Variants in SYNRG observed in about 807,000 individuals in gnomAD.
The protein encoded by SYNRG is AP1 gamma subunit binding protein 1.
A neutral mutation model predicts 130.9 loss-of-function variants in SYNRG; 37 were observed. The observed-to-expected ratio is 0.28, with a 90% CI of 0.22 to 0.37. The LOEUF (loss-of-function observed/expected upper bound fraction) is 0.37. Ranked by LOEUF, SYNRG falls within the 10% of genes least tolerant of loss-of-function variation. SYNRG has a pLI of 1.00. For synonymous variants in SYNRG, 539 were observed against 568.1 expected (o/e 0.95, Z 0.73); for missense variants, 1,338 against 1,588.9 (o/e 0.84, Z 2.68).
intron 8 of SYNRG, among the ~76,000 whole-genome samples, chr17:37,574,651 A>G (rs1039407821): frequency 2.6e-5 from 4 of 152,194 alleles, no homozygotes; most frequent in African/African-American, 7.2e-5. Flanking sequence ...TTATGAAAAG[A>G]GGCTCAACAT....
chr17:37,518,921 T>G lies in SYNRG; in HGVS notation c.*19A>C. 6.2e-6 allele frequency: 10 copies of G among 1,601,376 alleles called. No individual in the cohort carries two copies. In the South Asian group the frequency reaches 6.8e-5, roughly 11 times the overall value. On this transcript the variant is annotated 3_prime_UTR_variant, in exon 22 of 22. Coordinates refer to ENST00000612223, the MANE Select transcript of SYNRG (RefSeq NM_007247.6). ...GGTGTCACAGAAAAAAAAAAGTCAA[T>G]GCTTCACAGAGGAGTTGTTCAGAGC...
intron 8 of SYNRG, 74 bp downstream of exon 8, chr17:37,576,267 A>G: frequency 5.4e-6 from 8 of 1,469,832 alleles, no homozygotes; most frequent in Admixed American, 1.8e-5. Flanking sequence ...GCAACAGTAA[A>G]TATTTACAAC....
At chr17:37,563,808 TTAC>T (rs1162649647) in intron 11 of SYNRG, among the ~76,000 whole-genome samples, 1 of 151,764 alleles carries the variant, frequency 6.6e-6, no homozygotes, top group Non-Finnish European at 1.5e-5. Context: ...AGTGCTAGGT[TTAC>T]AGGCAAGACC....
At chr17:37,566,205 G>A (rs2059978721) in intron 11 of SYNRG, among the ~76,000 whole-genome samples, 1 of 152,128 alleles carries the variant, frequency 6.6e-6, no homozygotes, top group Non-Finnish European at 1.5e-5. Flanking sequence ...CGGGAAAGGT[G>A]GGGAAAAGAT....
At position 37,553,872 on chromosome 17, in the gene SYNRG, TAGGTCTGCTAAGTTC is replaced by T. The variant is rs768013794; in HGVS notation, c.1836_1850del (p.Asn613_Leu617del). ...TGCAATTAACTGAGGAAAACATATC[TAGGTCTGCTAAGTTC>T]AGAGGGTTTTTCACTTGTGTTTGTT... On this transcript the variant is annotated inframe_deletion, in exon 14 of 22. Transcript: ENST00000612223. The T allele has an allele frequency of 1.4e-5, 22 of 1,611,394 alleles. No individual in the cohort carries two copies. Among genetic ancestry groups the T allele is most frequent in the African/African-American group, 4.0e-5 (3 of 74,706 alleles).
chr17:37,541,211 C>T (rs1366563752), intron 15 of SYNRG: 2 of 985,274 alleles, frequency 2.0e-6, no homozygotes, highest in African/African-American at 3.5e-5. Context: ...GATTTGTAAC[C>T]GAGTTCCTTC....
At position 37,596,306 on chromosome 17, in the gene SYNRG, C is replaced by T. The variant is rs773644751; in HGVS notation, c.157G>A (p.Val53Ile). Residue 53 changes from valine to isoleucine, a missense_variant, in exon 3 of 22, where the codon GTC becomes ATC. By Grantham distance (29) the Val-to-Ile change is conservative. Around this residue, in one of 3 missense-constraint regions of SYNRG, gnomAD observed 184 missense variants for 217.2 expected, o/e 0.85. Coordinates refer to ENST00000612223, the MANE Select transcript of SYNRG (RefSeq NM_007247.6). Reference protein sequence around the residue: ...MPMQQQGFPMVSVMQPNMQGI... With the variant: ...MPMQQQGFPMISVMQPNMQGI... ...TGCATATTAGGCTGCATGACAGAGA[C>T]CATAGGAAATCCTTGTTGCTGCATC... The T allele has an allele frequency of 6.2e-7, 1 of 1,614,090 alleles. No individual in the cohort carries two copies. The highest frequency in any genetic ancestry group is 1.1e-5 in the South Asian group (1 of 91,084).
At chr17:37,590,086 A>G (rs932481372) in intron 3 of SYNRG, among the ~76,000 whole-genome samples, 2 of 151,104 alleles carry the variant, frequency 1.3e-5, no homozygotes, top group Admixed American at 1.3e-4. Flanking sequence ...CAGGTGAATT[A>G]CTTGAGCCCG....
intron 2 of SYNRG, among the ~76,000 whole-genome samples, chr17:37,599,237 G>A (rs1208879511): frequency 6.6e-6 from 1 of 152,222 alleles, no homozygotes; most frequent in Non-Finnish European, 1.5e-5. Flanking sequence ...TGAAAGAAAT[G>A]AGCGGAAAGA....
chr17:37,574,237 C>T lies in SYNRG; in HGVS notation c.901+2104G>A, dbSNP rs144681117. ...GAATAAAACTAGACCCCATCCCACACCAAATAAAAAAATCAAATGGAAATG... is the reference window on the plus strand; with the variant it reads ...GAATAAAACTAGACCCCATCCCACATCAAATAAAAAAATCAAATGGAAATG... On this transcript the variant is annotated intron_variant, in intron 8 of 21. Coordinates refer to ENST00000612223, the MANE Select transcript of SYNRG (RefSeq NM_007247.6). Among the ~76,000 whole-genome samples the T allele has an allele frequency of 5.2e-3, 785 of 152,024 alleles. 2 individuals are homozygous for T. The highest frequency in any genetic ancestry group is 8.2e-3 in the Non-Finnish European group (557 of 67,980).
At chr17:37,528,602 C>T (rs901785445) in intron 19 of SYNRG, among the ~76,000 whole-genome samples, 11 of 152,140 alleles carry the variant, frequency 7.2e-5, no homozygotes, top group Admixed American at 4.6e-4. Context: ...CTCAATCATG[C>T]CTCTTTCTAA....
At chr17:37,586,081 C>T (rs1219302550) in intron 4 of SYNRG, among the ~76,000 whole-genome samples, 1 of 152,174 alleles carries the variant, frequency 6.6e-6, no homozygotes, top group Non-Finnish European at 1.5e-5. Context: ...GCAGCCTCAA[C>T]CTCGGGGCCC....
intron 9 of SYNRG, 73 bp downstream of exon 9, chr17:37,571,718 G>A: frequency 7.3e-7 from 1 of 1,365,092 alleles, no homozygotes; most frequent in Non-Finnish European, 1.0e-6. Flanking sequence ...ACACAATGTA[G>A]TAAAAAAGAT....
At chr17:37,569,070 G>A in intron 10 of SYNRG, 146 bp from the exon 11 acceptor site, 1 of 836,934 alleles carries the variant, frequency 1.2e-6, no homozygotes, top group Non-Finnish European at 1.8e-6. Context: ...ATCCTGTTTT[G>A]TATTTTTAAA....
intron 1 of SYNRG, among the ~76,000 whole-genome samples, chr17:37,608,696 A>C (rs2064042260): frequency 6.6e-6 from 1 of 151,858 alleles, no homozygotes; most frequent in Admixed American, 6.5e-5. Context: ...TTAGTGTACA[A>C]GACAAGAACT....
At chr17:37,519,372 G>A (rs994003666) in intron 21 of SYNRG, among the ~76,000 whole-genome samples, 1 of 152,176 alleles carries the variant, frequency 6.6e-6, no homozygotes, top group Non-Finnish European at 1.5e-5. Flanking sequence ...GGGAACTGAA[G>A]TAGCCAAGGG....
At position 37,553,556 on chromosome 17, in the gene SYNRG, G is replaced by A; in HGVS notation, c.2167C>T (p.Pro723Ser). 6.2e-7 allele frequency: 1 copy of A among 1,614,184 alleles called. No homozygotes were observed. The highest frequency in any genetic ancestry group is 8.5e-7 in the Non-Finnish European group (1 of 1,180,044). ...GTGCTGCCCACGTTGCTGGTTAGAG[G>A]AACAGGACTGGCTTCCTCTTTAAGG... ...DALKEEASPV[P>S]LTSNVGSTVK... Residue 723 changes from proline to serine, a missense_variant, in exon 14 of 22, where the codon CCT (proline) becomes TCT (serine). By Grantham distance (74) the Pro-to-Ser change is moderately conservative (BLOSUM62 -1). This residue lies in a region of SYNRG where 1,146 missense variants were observed against 1,342.3 expected (regional missense o/e 0.85). Transcript: ENST00000612223.
intron 7 of SYNRG, 45 bp downstream of exon 7, chr17:37,577,335 A>C: frequency 6.4e-7 from 1 of 1,558,394 alleles, no homozygotes; most frequent in Non-Finnish European, 8.8e-7. Context: ...CATTTGAGCA[A>C]CATTTGGTTA....
rs2064203736 is a variant in SYNRG at position 37,609,408 on chromosome 17, C to G, written c.-53G>C. 4.4e-6 allele frequency: 6 copies of G among 1,358,504 alleles called. No individual in the cohort carries two copies. The highest frequency in any genetic ancestry group is 1.9e-4 in the Middle Eastern group (1 of 5,264). 84.2% of individuals were successfully genotyped at this position (1,358,504 alleles called of 1,614,324 possible). A position where few individuals can be genotyped will look rare whatever the true frequency, so the allele number is the denominator to read the frequency against. ...CCGCCGCCACCTTATCAGCAGCTGT[C>G]AGCTGAACACAGCCACTTCCGGGTC... On this transcript the variant is annotated 5_prime_UTR_variant, in exon 1 of 22. Coordinates refer to ENST00000612223, the MANE Select transcript of SYNRG (RefSeq NM_007247.6).
Sources: gnomAD v4.1 joint callset for allele counts (sites outside exome capture counted in the v4.1 genomes callset) on GRCh38, gnomAD v4.1.1 for gene constraint, gnomAD v4.1.1 regional missense constraint, MANE v1.5 for transcripts, NCBI Gene and HGNC (gene_info 2026-07-23, HGNC 2026-07-21) for gene names.